BMP6: variants seen among roughly 807,000 people sequenced by gnomAD.
BMP6 encodes bone morphogenetic protein 6.
In BMP6, 17 loss-of-function variants were observed where a neutral mutation model predicts 54.1. The observed-to-expected ratio is 0.31, with a 90% CI of 0.22 to 0.47. The LOEUF is 0.47. Among genes scored for constraint, BMP6 ranks in the 20% least tolerant of loss-of-function variants. BMP6 has a pLI of 1.00. For missense variants in BMP6, 720 were observed against 690.4 expected (o/e 1.04, Z -0.48); for synonymous variants, 328 against 291.2 (o/e 1.13, Z -1.28).
chr6:7,834,073 G>A (rs1011120205), intron 1 of BMP6, among the ~76,000 whole-genome samples: 3 of 152,126 alleles, frequency 2.0e-5, no homozygotes, highest in Non-Finnish European at 4.4e-5. Context: ...GACCAGCTTG[G>A]GGTCTGGGAC....
At chr6:7,808,192 T>G (rs902563733) in intron 1 of BMP6, among the ~76,000 whole-genome samples, 52 of 152,246 alleles carry the variant, frequency 3.4e-4, no homozygotes, top group African/African-American at 1.2e-3. Context: ...AGTGCTGGGA[T>G]TACAGGCGTG....
intron 1 of BMP6, among the ~76,000 whole-genome samples, chr6:7,749,791 G>A (rs555578683): frequency 1.3e-5 from 2 of 152,336 alleles, no homozygotes; most frequent in East Asian, 1.9e-4. Context: ...CTTTCTTAAA[G>A]TATGGTTCAT....
At chr6:7,878,774 G>A (rs116601270) in intron 4 of BMP6, among the ~76,000 whole-genome samples, 2,268 of 152,326 alleles carry the variant, frequency 0.015, 52 homozygotes, top group African/African-American at 0.052. Flanking sequence ...TGGGCAAGTC[G>A]GCCCACGCCT....
At chr6:7,782,973 C>T (rs1757969523) in intron 1 of BMP6, among the ~76,000 whole-genome samples, 1 of 151,974 alleles carries the variant, frequency 6.6e-6, no homozygotes, top group South Asian at 2.1e-4. Flanking sequence ...ACATGGCGGT[C>T]ACTGATCATT....
chr6:7,782,770 A>C (rs1757965816), intron 1 of BMP6, among the ~76,000 whole-genome samples: 1 of 152,162 alleles, frequency 6.6e-6, no homozygotes, highest in Admixed American at 6.5e-5. Flanking sequence ...TATAGAGCAG[A>C]CGAGACAGCC....
chr6:7,793,804 C>T (rs536025936), intron 1 of BMP6, among the ~76,000 whole-genome samples: 1 of 152,230 alleles, frequency 6.6e-6, no homozygotes, highest in Non-Finnish European at 1.5e-5. Context: ...TGACCATCCT[C>T]AGTCGCCATG....
chr6:7,738,249 C>A (rs1439794289), intron 1 of BMP6, among the ~76,000 whole-genome samples: 1 of 152,192 alleles, frequency 6.6e-6, no homozygotes, highest in Non-Finnish European at 1.5e-5. Context: ...TACTCTCTAA[C>A]CCCTTTTGGC....
intron 1 of BMP6, among the ~76,000 whole-genome samples, chr6:7,783,357 T>C (rs1757975469): frequency 6.6e-6 from 1 of 152,270 alleles, no homozygotes; most frequent in East Asian, 1.9e-4. Context: ...GCAGTTGCTG[T>C]TCCTGTCCTC....
chr6:7,753,690 G>C (rs1757460146), intron 1 of BMP6, among the ~76,000 whole-genome samples: 1 of 152,164 alleles, frequency 6.6e-6, no homozygotes, highest in South Asian at 2.1e-4. Flanking sequence ...CTGAGTGCTA[G>C]AACTGTAAGT....
At chr6:7,761,071 G>A (rs535821935) in intron 1 of BMP6, among the ~76,000 whole-genome samples, 3 of 152,142 alleles carry the variant, frequency 2.0e-5, no homozygotes, top group Non-Finnish European at 2.9e-5. Flanking sequence ...CGGCATTATC[G>A]TTACAATGCG....
chr6:7,774,529 G>A (rs1561767765), intron 1 of BMP6, among the ~76,000 whole-genome samples: 1 of 151,862 alleles, frequency 6.6e-6, no homozygotes, highest in African/African-American at 2.4e-5. Flanking sequence ...TCCAGCCTGG[G>A]CGACAGAGGG....
At chr6:7,801,923 C>T (rs1758275343) in intron 1 of BMP6, among the ~76,000 whole-genome samples, 1 of 152,174 alleles carries the variant, frequency 6.6e-6, no homozygotes, top group African/African-American at 2.4e-5. Context: ...ATCCGGTCAG[C>T]TTGCTCTAGG....
intron 1 of BMP6, 129 bp from the exon 2 acceptor site, chr6:7,845,011 C>A (rs267192): frequency 2.5e-6 from 2 of 803,332 alleles, no homozygotes; most frequent in Non-Finnish European, 4.0e-6. Flanking sequence ...GTTCACTACC[C>A]GATCCCCGTA....
rs565495684 is a variant in BMP6, at chr6:7,788,269, C to A, written c.665-56871C>A. On this transcript the variant is annotated intron_variant, in intron 1 of 6. Coordinates refer to ENST00000283147, the MANE Select transcript of BMP6 (RefSeq NM_001718.6). ...ATTATTTGAGGGCATTAGTGATAGA[C>A]CACATGTTAAGGCTGTAGCTGAAAC... Among the ~76,000 whole-genome samples the A allele has an allele frequency of 1.9e-4, 29 of 152,286 alleles. No individual in the cohort carries two copies. In the East Asian group the frequency reaches 5.4e-3, roughly 28 times the overall value.
chr6:7,772,023 C>T lies in BMP6; in HGVS notation c.664+44404C>T, dbSNP rs1226801619. 5.4e-5 allele frequency among the ~76,000 whole-genome samples: 8 copies of T among 149,342 alleles called. No individual in the cohort carries two copies. The East Asian group carries it at 1.6e-3, about 29-fold the overall frequency. On this transcript the variant is annotated intron_variant, in intron 1 of 6. Coordinates refer to ENST00000283147, the MANE Select transcript of BMP6 (RefSeq NM_001718.6). The stretch of plus-strand genomic sequence containing the variant: ...GAGCCGAGATTGTGCGATTGCACTC[C>T]AGCCTGGGCGACAGAGCAAGCCTGC...
intron 1 of BMP6, among the ~76,000 whole-genome samples, chr6:7,832,829 G>A (rs997217284): frequency 6.6e-6 from 1 of 150,512 alleles, no homozygotes; most frequent in African/African-American, 2.5e-5. Context: ...CTCACTTCCA[G>A]GGCAAGTATA....
chr6:7,785,117 A>G (rs911028064), intron 1 of BMP6, among the ~76,000 whole-genome samples: 8 of 152,338 alleles, frequency 5.3e-5, no homozygotes, highest in East Asian at 1.9e-4. Context: ...TTGAAGGTGT[A>G]TGGTAGTACA....
At chr6:7,784,435 C>CTGAGTGTGTGTAGGCGTCT (rs1561770705) in intron 1 of BMP6, among the ~76,000 whole-genome samples, 2 of 151,894 alleles carry the variant, frequency 1.3e-5, no homozygotes, top group African/African-American at 2.4e-5. Context: ...GTGTAGGCGT[C>CTGAGTGTGTGTAGGCGTCT]TGAGTGTGTG....
chr6:7,802,374 C>A (rs1487199018), intron 1 of BMP6, among the ~76,000 whole-genome samples: 1 of 152,202 alleles, frequency 6.6e-6, no homozygotes, highest in African/African-American at 2.4e-5. Context: ...TATGATCCCT[C>A]ACCTCTCCCT....
Sources: gnomAD v4.1 joint callset for allele counts (sites outside exome capture counted in the v4.1 genomes callset) on GRCh38, gnomAD v4.1.1 for gene constraint, MANE v1.5 for transcripts, NCBI Gene and HGNC (gene_info 2026-07-23, HGNC 2026-07-21) for gene names.